Variants in HK1 observed in about 807,000 individuals in gnomAD.
HK1 encodes the protein hexokinase-1.
In HK1, 28 loss-of-function variants were observed where a neutral mutation model predicts 91.6. The ratio of observed to expected loss-of-function variants is 0.31; its 90% CI spans 0.23 to 0.42. The LOEUF (loss-of-function observed/expected upper bound fraction) is 0.42, where lower values mean the gene tolerates loss of function less well. HK1 is among the 10% of genes least tolerant of loss of function. HK1 has a pLI of 1.00. For missense variants in HK1, 770 were observed against 1,219.8 expected (o/e 0.63, Z 5.49); for synonymous variants, 430 against 468.1 (o/e 0.92, Z 1.05).
At chr10:69,285,163 G>A (rs1296540996) in intron 2 of HK1, among the ~76,000 whole-genome samples, 1 of 152,092 alleles carries the variant, frequency 6.6e-6, no homozygotes, top group Non-Finnish European at 1.5e-5. Context: ...GGCCGGGCGC[G>A]GTGGCTCACG....
chr10:69,308,517 C>T (rs2096368956), intron 5 of HK1, among the ~76,000 whole-genome samples: 1 of 152,100 alleles, frequency 6.6e-6, no homozygotes, highest in Non-Finnish European at 1.5e-5. Context: ...CAGAACAAAA[C>T]AGAACAGGAC....
intron 2 of HK1, among the ~76,000 whole-genome samples, chr10:69,349,913 G>A (rs550628077): frequency 6.6e-6 from 1 of 152,316 alleles, no homozygotes; most frequent in East Asian, 1.9e-4. Context: ...CTATAACTGG[G>A]AAGTCTCGCT....
intron 4 of HK1, among the ~76,000 whole-genome samples, chr10:69,299,275 T>TG (rs1279499156): frequency 6.6e-6 from 1 of 151,412 alleles, no homozygotes; most frequent in Non-Finnish European, 1.5e-5. Flanking sequence ...TGGGCTCAAG[T>TG]GACCCTCCCA....
At chr10:69,271,176 G>C (rs1411821198) in intron 1 of HK1, 1 of 152,120 alleles carries the variant, frequency 6.6e-6, no homozygotes, top group Non-Finnish European at 1.5e-5. Context: ...ACAAGGTGAC[G>C]ACTGTTCCTG....
chr10:69,318,742 T>TCGGCTGGC (rs1427678064), upstream of HK1: 2 of 982,050 alleles, frequency 2.0e-6, no homozygotes, highest in African/African-American at 3.5e-5. Flanking sequence ...AGGAGGTGGG[T>TCGGCTGGC]CGGCTGGCGG....
chr10:69,349,607 G>C (rs1383954332), intron 2 of HK1, among the ~76,000 whole-genome samples: 1 of 152,186 alleles, frequency 6.6e-6, no homozygotes, highest in Non-Finnish European at 1.5e-5. Context: ...AAAGGGGCAA[G>C]CCAAGGCAGG....
At chr10:69,299,453 G>A (rs763535239) in intron 4 of HK1, among the ~76,000 whole-genome samples, 21 of 147,162 alleles carry the variant, frequency 1.4e-4, no homozygotes, top group Non-Finnish European at 2.4e-4. Flanking sequence ...TGCAACCTTC[G>A]CCTCCTGGGT....
At chr10:69,383,993 G>T (rs1190423853) in intron 10 of HK1, among the ~76,000 whole-genome samples, 2 of 152,246 alleles carry the variant, frequency 1.3e-5, no homozygotes, top group African/African-American at 4.8e-5. Flanking sequence ...ATGCAGGGAA[G>T]GGAATGATGC....
rs1179838289 is a variant in HK1, at chr10:69,324,177, A to G, written c.63+5167A>G. 2.0e-5 allele frequency among the ~76,000 whole-genome samples: 3 copies of G among 152,216 alleles called. No homozygotes were observed. The East Asian group carries it at 5.8e-4, about 29-fold the overall frequency. Reference sequence around the variant, plus strand: ...AAAACCCTGAAGATCAAATCTGATCACAGGAGCTCAATCATTTCTTTAAAA... The same window carrying G: ...AAAACCCTGAAGATCAAATCTGATCGCAGGAGCTCAATCATTTCTTTAAAA... On this transcript the variant is annotated intron_variant, in intron 1 of 17. Transcript: ENST00000359426.
At chr10:69,338,413 A>G in intron 1 of HK1, 1 of 1,231,248 alleles carries the variant, frequency 8.1e-7, no homozygotes, top group South Asian at 1.4e-5. Context: ...AGTCCCACAT[A>G]TTCGTCTCAG....
chr10:69,284,840 G>A (rs535540144), intron 2 of HK1, among the ~76,000 whole-genome samples: 5 of 151,202 alleles, frequency 3.3e-5, no homozygotes, highest in African/African-American at 4.9e-5. Flanking sequence ...TTTTTAAGAC[G>A]GAGTCTCTCT....
intron 1 of HK1, among the ~76,000 whole-genome samples, chr10:69,334,890 G>A (rs958167905): frequency 6.6e-6 from 1 of 152,174 alleles, no homozygotes; most frequent in Non-Finnish European, 1.5e-5. Context: ...GACGGTGTGG[G>A]GTGGGGCGGA....
At chr10:69,356,021 A>G (rs1430385835) in intron 2 of HK1, among the ~76,000 whole-genome samples, 4 of 152,234 alleles carry the variant, frequency 2.6e-5, no homozygotes, top group African/African-American at 9.6e-5. Flanking sequence ...TAAAACTAAT[A>G]AAACTCTTAG....
In HK1 at chr10:69,369,007, C is replaced by T. The variant is rs1849854656; in HGVS notation, c.592-230C>T. ...GGAATGTAGCTCCATGAGTAAAATC[C>T]CCACTACCCAAAGACTCTTAAGCCA... On this transcript the variant is annotated intron_variant, in intron 5 of 17. Coordinates refer to ENST00000359426, the MANE Select transcript of HK1 (RefSeq NM_000188.3). This position sits in a 1 kb window ranked among gnomAD's most constrained non-coding sequence, Gnocchi z 4.4. Among the ~76,000 whole-genome samples the T allele has an allele frequency of 6.6e-6, 1 of 152,162 alleles. No individual in the cohort carries two copies. Among genetic ancestry groups the T allele is most frequent in the African/African-American group, 2.4e-5 (1 of 41,432 alleles).
chr10:69,283,490 T>C (rs1589434893), intron 2 of HK1, among the ~76,000 whole-genome samples: 1 of 144,212 alleles, frequency 6.9e-6, no homozygotes, highest in Non-Finnish European at 1.5e-5. Context: ...AAAATAAAAA[T>C]AAAGAGCTGG....
Position 69,392,141 on chromosome 10 carries a change from C to T in HK1, c.2052C>T (p.Ala684=). ...GTGTTCCAGGGACCGGCAGCAATGC[C>T]TGCTACATGGAGGAGATGAAGAACG... The part of the protein sequence containing the change: ...VGLIVGTGSN[A]CYMEEMKNVE... The change falls in exon 15 of 18, where the codon GCC becomes GCT. Residue 684 remains alanine, a synonymous_variant. Transcript: ENST00000359426. The T allele has an allele frequency of 6.2e-7, 1 of 1,614,174 alleles. No individual in the cohort carries two copies. The highest frequency in any genetic ancestry group is 8.5e-7 in the Non-Finnish European group (1 of 1,180,046).
intron 3 of HK1, among the ~76,000 whole-genome samples, chr10:69,363,097 C>T (rs375690518): frequency 2.0e-5 from 3 of 152,164 alleles, no homozygotes; most frequent in South Asian, 2.1e-4. Context: ...TCTGGGAGTT[C>T]GGGCTGGGGC....
Position 69,369,730 on chromosome 10 carries a change from C to A in HK1, c.875+106C>A. On this transcript the variant is annotated intron_variant, in intron 7 of 17. Transcript: ENST00000359426. The surrounding 1 kb of genome is among the most constrained non-coding windows in gnomAD (Gnocchi z 4.4). ...GGGCATAAAGCCAAGTGATCACAAA[C>A]AGAAAAGCCTGTCACATTTTTTTTT... 8.9e-7 allele frequency: 1 copy of A among 1,119,634 alleles called. No homozygotes were observed. The highest frequency in any genetic ancestry group is 1.3e-6 in the Non-Finnish European group (1 of 755,180). The allele number at this position is 1,119,634 out of a possible 1,614,324, so 69.4% of individuals were successfully genotyped here.
At chr10:69,303,399 G>A (rs6480396) in intron 5 of HK1, among the ~76,000 whole-genome samples, 3,194 of 146,392 alleles carry the variant, frequency 0.022, 110 homozygotes, top group African/African-American at 0.075. Flanking sequence ...ATTTATCAAG[G>A]TAGAGAATTG....
Sources: allele counts gnomAD v4.1 joint callset (sites outside exome capture counted in the v4.1 genomes callset), GRCh38; gene constraint gnomAD v4.1.1; non-coding constraint Gnocchi (gnomAD v3.1); transcripts MANE v1.5; gene names NCBI Gene and HGNC (gene_info 2026-07-23, HGNC 2026-07-21).